Variants in SV2C observed in about 807,000 individuals in gnomAD.
SV2C encodes solute carrier family 22 member B3.
In SV2C, 49 loss-of-function variants were observed where a neutral mutation model predicts 79.7. That is an observed-to-expected ratio of 0.61 (90% CI 0.49 to 0.78). The LOEUF (loss-of-function observed/expected upper bound fraction) is 0.78. Ranked by LOEUF, SV2C falls within the 30% of genes least tolerant of loss-of-function variation. The pLI, the probability that SV2C is intolerant of heterozygous loss-of-function variation, is 0.00. For synonymous variants in SV2C, 334 were observed against 333.2 expected (o/e 1.00, Z -0.03); for missense variants, 833 against 912.9 (o/e 0.91, Z 1.13).
At chr5:76,075,262 A>G in the SV2C span, among the ~76,000 whole-genome samples, 2 of 152,222 alleles carry the variant, frequency 1.3e-5, no homozygotes, top group Non-Finnish European at 2.9e-5. Context: ...TGCTGCATTT[A>G]TATTTTCGGG....
the SV2C span, among the ~76,000 whole-genome samples, chr5:76,061,547 C>T: frequency 6.6e-6 from 1 of 152,036 alleles, no homozygotes; most frequent in Non-Finnish European, 1.5e-5. Context: ...TCAGAGATAG[C>T]TATGTCAGAT....
At chr5:76,048,518 G>T in the SV2C span, among the ~76,000 whole-genome samples, 2 of 152,070 alleles carry the variant, frequency 1.3e-5, no homozygotes, top group African/African-American at 4.8e-5. Flanking sequence ...CCAGCTATCT[G>T]GGCATCTCTT....
intron 6 of SV2C, among the ~76,000 whole-genome samples, chr5:76,290,398 G>A (rs890917806): frequency 6.6e-6 from 1 of 152,176 alleles, no homozygotes; most frequent in African/African-American, 2.4e-5. Context: ...CAGGGGTAAT[G>A]TGTACACATT....
the SV2C span, among the ~76,000 whole-genome samples, chr5:76,013,190 T>A: frequency 6.6e-6 from 1 of 152,114 alleles, no homozygotes; most frequent in African/African-American, 2.4e-5. Context: ...TATAAATTAC[T>A]TTAGGCAGTA....
At chr5:76,126,832 T>G (rs1378252529) in intron 1 of SV2C, among the ~76,000 whole-genome samples, 3 of 152,162 alleles carry the variant, frequency 2.0e-5, no homozygotes, top group African/African-American at 7.2e-5. Flanking sequence ...GGTATGTGGT[T>G]GGGCTCTGGA....
the SV2C span, among the ~76,000 whole-genome samples, chr5:76,071,946 A>C: frequency 6.6e-6 from 1 of 152,220 alleles, no homozygotes; most frequent in African/African-American, 2.4e-5. Flanking sequence ...GGGAATATTC[A>C]GAGTTGAGCT....
chr5:76,085,597 GAC>G (rs143113411), intron 1 of SV2C, among the ~76,000 whole-genome samples: 1 of 152,190 alleles, frequency 6.6e-6, no homozygotes, highest in Non-Finnish European at 1.5e-5. Flanking sequence ...GGAACCCAGA[GAC>G]ACAGATGCTA....
intron 1 of SV2C, among the ~76,000 whole-genome samples, chr5:76,103,022 T>C (rs920823499): frequency 1.3e-5 from 2 of 152,194 alleles, no homozygotes; most frequent in Non-Finnish European, 2.9e-5. Flanking sequence ...CAGCACCTGA[T>C]ATGTGTCACT....
intron 1 of SV2C, among the ~76,000 whole-genome samples, chr5:76,125,656 A>T (rs1030882827): frequency 6.6e-6 from 1 of 152,122 alleles, no homozygotes; most frequent in African/African-American, 2.4e-5. Context: ...ACTTTATAGG[A>T]CCACAAGGTG....
Position 76,331,221 on chromosome 5 carries a change from G to T in SV2C, c.*5674G>T, listed in dbSNP as rs1180710549. 6.6e-6 allele frequency: 1 copy of T among 152,216 alleles called. No homozygotes were observed. The highest frequency in any genetic ancestry group is 1.5e-5 in the Non-Finnish European group (1 of 68,114). 9.4% of individuals were successfully genotyped at this position (152,216 alleles called of 1,614,324 possible). ...GTGAAACCAGAGACAGGAGCTAGGG[G>T]GTCTGTTCCCCAGCGAATAGTGTTG... is the stretch of plus-strand genomic sequence containing the variant. On this transcript the variant is annotated 3_prime_UTR_variant, in exon 13 of 13. Transcript: ENST00000502798.
At chr5:76,313,154 C>T (rs1250720058) in intron 12 of SV2C, among the ~76,000 whole-genome samples, 1 of 152,214 alleles carries the variant, frequency 6.6e-6, no homozygotes, top group Non-Finnish European at 1.5e-5. Flanking sequence ...TCACTGTCGT[C>T]ATCTGGTATT....
intron 12 of SV2C, among the ~76,000 whole-genome samples, chr5:76,324,681 T>C (rs1460210913): frequency 2.0e-5 from 3 of 150,794 alleles, no homozygotes; most frequent in African/African-American, 7.3e-5. Context: ...CCCCCATCTC[T>C]ACAAATATTT....
chr5:76,272,832 G>A (rs540773574), intron 4 of SV2C, among the ~76,000 whole-genome samples: 4 of 152,018 alleles, frequency 2.6e-5, no homozygotes, highest in Non-Finnish European at 5.9e-5. Flanking sequence ...GACTGTATGT[G>A]TTCATAAAAT....
At chr5:76,002,184 AT>A in the SV2C span, among the ~76,000 whole-genome samples, 1 of 150,082 alleles carries the variant, frequency 6.7e-6, no homozygotes, top group Non-Finnish European at 1.5e-5. Context: ...ATATATATAT[AT>A]ATATAATATT....
the SV2C span, among the ~76,000 whole-genome samples, chr5:75,976,293 TTCTC>T: frequency 3.2e-4 from 48 of 151,606 alleles, no homozygotes; most frequent in South Asian, 1.5e-3. Flanking sequence ...CTCTCTCTCT[TTCTC>T]TCTCTCTCTG....
chr5:76,165,241 T>A lies in SV2C; in HGVS notation c.581-29678T>A, dbSNP rs1358097049. Among the ~76,000 whole-genome samples, 7 of 152,326 alleles carry A rather than the reference T, an allele frequency of 4.6e-5. No homozygotes were observed. In the East Asian group the frequency reaches 1.3e-3, roughly 29 times the overall value. ...CACCCAGCTTCCCCCAATGATAATA[T>A]CTTACATAACCTTAGTACATTGTCA... On this transcript the variant is annotated intron_variant, in intron 2 of 12. Transcript: ENST00000502798.
At chr5:76,102,748 G>A (rs562321359) in intron 1 of SV2C, among the ~76,000 whole-genome samples, 8 of 152,096 alleles carry the variant, frequency 5.3e-5, no homozygotes, top group Admixed American at 6.6e-5. Context: ...ATAAAGACTC[G>A]TTTGGCTTAG....
intron 2 of SV2C, among the ~76,000 whole-genome samples, chr5:76,170,037 GTCA>G (rs1480565716): frequency 1.3e-5 from 2 of 152,044 alleles, no homozygotes; most frequent in Admixed American, 6.6e-5. Flanking sequence ...GTGACAACCA[GTCA>G]TCATCTCAAT....
chr5:76,109,839 AC>A (rs1179090378), intron 1 of SV2C, among the ~76,000 whole-genome samples: 1 of 152,178 alleles, frequency 6.6e-6, no homozygotes, highest in African/African-American at 2.4e-5. Context: ...GATAGGTGAG[AC>A]AATCTATTTC....
Sources: allele counts gnomAD v4.1 joint callset (sites outside exome capture counted in the v4.1 genomes callset), GRCh38; gene constraint gnomAD v4.1.1; transcripts MANE v1.5; gene names NCBI Gene and HGNC (gene_info 2026-07-23, HGNC 2026-07-21).